Variants in PTPRT observed in about 807,000 individuals in gnomAD.
The protein encoded by PTPRT is protein tyrosine phosphatase receptor type T, also known as receptor-type tyrosine-protein phosphatase T.
PTPRT carries 56 observed loss-of-function variants against 176.8 expected under a neutral mutation model. That is an observed-to-expected ratio of 0.32 (90% CI 0.26 to 0.40). The LOEUF (loss-of-function observed/expected upper bound fraction) is 0.40, where lower values mean the gene tolerates loss of function less well. PTPRT is among the 10% of genes least tolerant of loss of function. PTPRT has a pLI of 1.00. For missense variants in PTPRT, 1,540 were observed against 1,908.2 expected, an observed-to-expected ratio of 0.81 and a Z score of 3.60; for synonymous variants, 783 against 739.0, an observed-to-expected ratio of 1.06 and a Z score of -0.96.
At chr20:43,004,057 G>A (rs763096652) in intron 1 of PTPRT, among the ~76,000 whole-genome samples, 61 of 151,938 alleles carry the variant, frequency 4.0e-4, no homozygotes, top group Admixed American at 5.2e-4. Context: ...GGCTGGGGAA[G>A]GCTTTTTTGA....
intron 2 of PTPRT, among the ~76,000 whole-genome samples, chr20:42,807,867 T>C (rs926981220): frequency 3.3e-5 from 5 of 152,300 alleles, no homozygotes; most frequent in Admixed American, 6.5e-5. Context: ...ATAAATATTT[T>C]ATTCTTGAAG....
Position 42,972,699 on chromosome 20 carries a change from G to T in PTPRT, c.89-86767C>A, listed in dbSNP as rs75739183. ...AGCAAAAAAAAAAAAAAAAAAAAAA[G>T]GAAGAAGAAGAATTTGAGCTTTATT... is the stretch of plus-strand genomic sequence containing the variant. On this transcript the variant is annotated intron_variant, in intron 1 of 30. Transcript: ENST00000373187. Among the ~76,000 whole-genome samples the T allele has an allele frequency of 6.0e-3, 615 of 102,678 alleles. 5 individuals carry two copies. The highest frequency in any genetic ancestry group is 0.019 in the African/African-American group (581 of 30,708). The allele number at this position is 102,678 out of a possible 152,430, so 67.4% of individuals were successfully genotyped here.
At chr20:42,842,281 G>C (rs6065545) in intron 2 of PTPRT, among the ~76,000 whole-genome samples, 13,563 of 152,264 alleles carry the variant, frequency 0.089, 740 homozygotes, top group Admixed American at 0.15. Flanking sequence ...AAACGAAGAA[G>C]AGTGCAGTGT....
chr20:42,475,637 A>T (rs2071275903), intron 7 of PTPRT, among the ~76,000 whole-genome samples: 1 of 152,158 alleles, frequency 6.6e-6, no homozygotes, highest in Non-Finnish European at 1.5e-5. Context: ...AAATACTACA[A>T]GGCAAAAATG....
At chr20:42,741,399 C>T (rs1262544378) in intron 6 of PTPRT, among the ~76,000 whole-genome samples, 1 of 152,146 alleles carries the variant, frequency 6.6e-6, no homozygotes, top group Admixed American at 6.5e-5. Context: ...GACTGGAGTG[C>T]AGTGGCGCGA....
chr20:42,565,117 C>G (rs1221420889), intron 7 of PTPRT, among the ~76,000 whole-genome samples: 3 of 152,068 alleles, frequency 2.0e-5, no homozygotes, highest in Non-Finnish European at 4.4e-5. Flanking sequence ...AAGACAGCAC[C>G]CGAGAAGAAG....
At chr20:42,801,023 C>G (rs1434395465) in intron 2 of PTPRT, among the ~76,000 whole-genome samples, 1 of 152,014 alleles carries the variant, frequency 6.6e-6, no homozygotes, top group Non-Finnish European at 1.5e-5. Context: ...TTTTTTCTTC[C>G]TGGGGAGAGC....
At chr20:42,105,492 G>C (rs1214437229) in intron 24 of PTPRT, among the ~76,000 whole-genome samples, 1 of 152,128 alleles carries the variant, frequency 6.6e-6, no homozygotes, top group East Asian at 1.9e-4. Context: ...AAAGCCATCT[G>C]TTAATCCACC....
In PTPRT at chr20:42,793,992, C is replaced by T. The variant is rs77568387; in HGVS notation, c.215-2526G>A. Reference sequence around the variant, plus strand: ...CCTGTCCTCCTGCCAATTCACGCCACGGGCTCATGTACCCTTGGCTCCTTA... The same window carrying T: ...CCTGTCCTCCTGCCAATTCACGCCATGGGCTCATGTACCCTTGGCTCCTTA... On this transcript the variant is annotated intron_variant, in intron 2 of 30. Coordinates refer to ENST00000373187, the MANE Select transcript of PTPRT (RefSeq NM_007050.6). Among the ~76,000 whole-genome samples, 553 of 152,276 alleles carry T rather than the reference C, an allele frequency of 3.6e-3. 26 individuals carry two copies. In the East Asian group the frequency reaches 0.078, roughly 22 times the overall value.
intron 1 of PTPRT, among the ~76,000 whole-genome samples, chr20:43,009,024 C>T (rs1277461514): frequency 6.6e-6 from 1 of 152,132 alleles, no homozygotes; most frequent in Non-Finnish European, 1.5e-5. Flanking sequence ...AACAAGGTGG[C>T]CCATGAGTTC....
chr20:42,642,370 T>G (rs1170817351), intron 7 of PTPRT, among the ~76,000 whole-genome samples: 4 of 152,174 alleles, frequency 2.6e-5, no homozygotes, highest in African/African-American at 9.7e-5. Context: ...TTGTGGGACG[T>G]TGACAGAGTT....
At position 42,214,768 on chromosome 20, in the gene PTPRT, C is replaced by T. The variant is rs143056144; in HGVS notation, c.2343-15380G>A. Reference sequence around the variant, plus strand: ...AGTGAAATCAGAGCAGCAGAAAGCCCGAAACACAGGTGAGGCCCTCCTCCC... The same window carrying T: ...AGTGAAATCAGAGCAGCAGAAAGCCTGAAACACAGGTGAGGCCCTCCTCCC... On this transcript the variant is annotated intron_variant, in intron 15 of 30. Coordinates refer to ENST00000373187, the MANE Select transcript of PTPRT (RefSeq NM_007050.6). Among the ~76,000 whole-genome samples the T allele has an allele frequency of 2.8e-3, 424 of 152,336 alleles. 2 individuals carry two copies. The highest frequency in any genetic ancestry group is 9.3e-3 in the African/African-American group (387 of 41,588).
At chr20:43,042,258 A>G (rs896001281) in intron 1 of PTPRT, among the ~76,000 whole-genome samples, 2 of 152,292 alleles carry the variant, frequency 1.3e-5, no homozygotes, top group Non-Finnish European at 2.9e-5. Context: ...TTCAGGGCCA[A>G]TTCCCTTTGT....
intron 1 of PTPRT, among the ~76,000 whole-genome samples, chr20:43,180,977 G>T (rs776875603): frequency 6.6e-6 from 1 of 152,074 alleles, no homozygotes; most frequent in Admixed American, 6.6e-5. Context: ...GGTTACAAAG[G>T]ACTGTGACTT....
chr20:43,168,374 G>A (rs1406737909), intron 1 of PTPRT, among the ~76,000 whole-genome samples: 1 of 152,130 alleles, frequency 6.6e-6, no homozygotes, highest in Non-Finnish European at 1.5e-5. Flanking sequence ...CCTCACATCA[G>A]GAATGCAGTG....
chr20:42,529,860 A>G (rs959495704), intron 7 of PTPRT, among the ~76,000 whole-genome samples: 5 of 151,778 alleles, frequency 3.3e-5, no homozygotes, highest in African/African-American at 7.3e-5. Context: ...AAAAAAAAAA[A>G]AAAAAGAAAA....
chr20:42,567,291 AAGAGAG>A (rs200210899), intron 7 of PTPRT, among the ~76,000 whole-genome samples: 5 of 150,524 alleles, frequency 3.3e-5, no homozygotes, highest in African/African-American at 1.2e-4. Context: ...AAAAAAATAA[AAGAGAG>A]AGAGAGAGAG....
intron 7 of PTPRT, among the ~76,000 whole-genome samples, chr20:42,505,477 T>C (rs748461032): frequency 1.3e-4 from 20 of 152,052 alleles, no homozygotes; most frequent in Non-Finnish European, 2.5e-4. Context: ...AATTTTTGTA[T>C]TTTTAGTAGA....
intron 7 of PTPRT, among the ~76,000 whole-genome samples, chr20:42,482,498 G>A (rs1345805070): frequency 6.6e-6 from 1 of 152,212 alleles, no homozygotes; most frequent in Non-Finnish European, 1.5e-5. Context: ...ACCATGTGCT[G>A]AGAACTATAC....
Sources: allele counts gnomAD v4.1 joint callset (sites outside exome capture counted in the v4.1 genomes callset), GRCh38; gene constraint gnomAD v4.1.1; transcripts MANE v1.5; gene names NCBI Gene and HGNC (gene_info 2026-07-23, HGNC 2026-07-21).